Variants in MDM4 observed in about 807,000 individuals in gnomAD.
MDM4 encodes the protein protein Mdm4.
In MDM4, 2 loss-of-function variants were observed where a neutral mutation model predicts 60.2. The ratio of observed to expected loss-of-function variants is 0.03; its 90% CI spans 0.01 to 0.10. The LOEUF (loss-of-function observed/expected upper bound fraction) is 0.10, where lower values mean the gene tolerates loss of function less well. Among genes scored for constraint, MDM4 ranks in the 10% least tolerant of loss-of-function variants. The pLI is 1.00. For synonymous variants in MDM4, 202 were observed against 198.1 expected (o/e 1.02, Z -0.17); for missense variants, 447 against 577.5 (o/e 0.77, Z 2.32).
intron 7 of MDM4, among the ~76,000 whole-genome samples, chr1:204,540,284 C>CAA (rs36061566): frequency 7.8e-4 from 113 of 144,976 alleles, no homozygotes; most frequent in South Asian, 6.9e-3. Context: ...GACTCTGTCT[C>CAA]AAAAAAAAAA....
At chr1:204,524,681 G>A (rs188005168) in intron 1 of MDM4, among the ~76,000 whole-genome samples, 142 of 152,344 alleles carry the variant, frequency 9.3e-4, no homozygotes, top group Non-Finnish European at 1.5e-3. Flanking sequence ...GGAGGCTGAG[G>A]CAGGAGAATC....
intron 6 of MDM4, 39 bp downstream of exon 6, chr1:204,537,536 G>A (rs1661544834): frequency 6.9e-7 from 1 of 1,454,818 alleles, no homozygotes. Flanking sequence ...GTTGTACAGA[G>A]TGGCCCCTTC....
intron 3 of MDM4, 123 bp from the exon 4 acceptor site, chr1:204,530,561 T>C: frequency 7.7e-7 from 1 of 1,300,824 alleles, no homozygotes; most frequent in East Asian, 2.3e-5. Flanking sequence ...TACACAAACT[T>C]TGACAGTCTT....
intron 8 of MDM4, among the ~76,000 whole-genome samples, chr1:204,543,161 A>G (rs1424155567): frequency 6.6e-6 from 1 of 151,998 alleles, no homozygotes; most frequent in Non-Finnish European, 1.5e-5. Context: ...TTAACTAACA[A>G]CTCTACTTAG....
At chr1:204,533,201 C>T (rs1661046710) in intron 5 of MDM4, among the ~76,000 whole-genome samples, 1 of 152,220 alleles carries the variant, frequency 6.6e-6, no homozygotes, top group Non-Finnish European at 1.5e-5. Context: ...AGTCTGGAGT[C>T]TCCAAAATGG....
Position 204,553,202 on chromosome 1 carries a change from TTC to T in MDM4, c.*3522_*3523del, listed in dbSNP as rs1663348120. 5.3e-6 allele frequency: 1 copy of T among 187,670 alleles called. No individual in the cohort carries two copies. The highest frequency in any genetic ancestry group is 2.3e-5 in the African/African-American group (1 of 42,866). 11.6% of individuals were successfully genotyped at this position (187,670 alleles called of 1,614,324 possible). A position where few individuals can be genotyped will look rare whatever the true frequency, so the allele number is the denominator to read the frequency against. ...CTATTTTCTTGGTCTGTTTTTGATT[TTC>T]TTTTTTCCTTGCCACTGCGGTACAG... is the stretch of plus-strand genomic sequence containing the variant. On this transcript the variant is annotated 3_prime_UTR_variant, in exon 11 of 11. Coordinates refer to ENST00000367182, the MANE Select transcript of MDM4 (RefSeq NM_002393.5).
At chr1:204,523,503 C>G (rs12757249) in intron 1 of MDM4, among the ~76,000 whole-genome samples, 3 of 82,042 alleles carry the variant, frequency 3.7e-5, no homozygotes, top group African/African-American at 1.2e-4. Context: ...TTTTTTTTTG[C>G]GACAGGGTAT....
At position 204,525,601 on chromosome 1, in the gene MDM4, A is replaced by G. The variant is rs748131770; in HGVS notation, c.78+5A>G. ...TCTCCTGGACAAATCAATCAGGTAA[A>G]TCATTTTCGGTATTTCTAGTTTTTT... On this transcript the variant is annotated splice_donor_5th_base_variant and intron_variant, in intron 2 of 10. Transcript: ENST00000367182. 4 of 1,551,474 alleles carry G rather than the reference A, an allele frequency of 2.6e-6. No homozygotes were observed. The highest frequency in any genetic ancestry group is 3.9e-5 in the Admixed American group (2 of 51,598).
chr1:204,554,799 C>T lies in MDM4; in HGVS notation c.*5117C>T, dbSNP rs921755112. On this transcript the variant is annotated 3_prime_UTR_variant, in exon 11 of 11. Coordinates refer to ENST00000367182, the MANE Select transcript of MDM4 (RefSeq NM_002393.5). Reference sequence around the variant, plus strand: ...TTCTGCTTGCCATTGCTATATTCTCCCTTTATAGGAGCCATTGGATTTCTT... The same window carrying T: ...TTCTGCTTGCCATTGCTATATTCTCTCTTTATAGGAGCCATTGGATTTCTT... 2 of 226,074 alleles carry T rather than the reference C, an allele frequency of 8.8e-6. No individual in the cohort carries two copies. Among genetic ancestry groups the T allele is most frequent in the Admixed American group, 5.7e-5 (1 of 17,518 alleles). 14.0% of individuals were successfully genotyped at this position (226,074 alleles called of 1,614,324 possible). A position where few individuals can be genotyped will look rare whatever the true frequency, so the allele number is the denominator to read the frequency against.
Position 204,535,437 on chromosome 1 carries a change from G to A in MDM4, c.344-1993G>A, listed in dbSNP as rs138029133. 9.3e-3 allele frequency among the ~76,000 whole-genome samples: 1,411 copies of A among 152,210 alleles called. 23 individuals are homozygous for A. The highest frequency in any genetic ancestry group is 0.032 in the African/African-American group (1,324 of 41,516). ...CTCCTAAAGTACTGGGATTACAGGC[G>A]TGAGCCACTGCACCCAGCCTAAAAT... On this transcript the variant is annotated intron_variant, in intron 5 of 10. Transcript: ENST00000367182.
rs1035258882 is a variant in MDM4, at chr1:204,554,225, A to G, written c.*4543A>G. 1.3e-5 allele frequency: 3 copies of G among 226,282 alleles called. No homozygotes were observed. The highest frequency in any genetic ancestry group is 5.7e-5 in the Admixed American group (1 of 17,556). The allele number at this position is 226,282 out of a possible 1,614,324, so 14.0% of individuals were successfully genotyped here. On this transcript the variant is annotated 3_prime_UTR_variant, in exon 11 of 11. Coordinates refer to ENST00000367182, the MANE Select transcript of MDM4 (RefSeq NM_002393.5). Reference sequence around the variant, plus strand: ...TACCTCTTGACTCGCTTTTGAAAGGAAGACAATTGTTAACTAGATATTTGA... The same window carrying G: ...TACCTCTTGACTCGCTTTTGAAAGGGAGACAATTGTTAACTAGATATTTGA...
chr1:204,543,159 C>CA (rs1428678935), intron 8 of MDM4, among the ~76,000 whole-genome samples: 2 of 152,176 alleles, frequency 1.3e-5, no homozygotes, highest in Non-Finnish European at 2.9e-5. Context: ...ATTTAACTAA[C>CA]AACTCTACTT....
At chr1:204,539,746 A>G (rs1661838409) in intron 7 of MDM4, among the ~76,000 whole-genome samples, 2 of 151,566 alleles carry the variant, frequency 1.3e-5, no homozygotes, top group Non-Finnish European at 2.9e-5. Flanking sequence ...CATGTTGACC[A>G]GGATGGGTTG....
chr1:204,550,194 T>G lies in MDM4; in HGVS notation c.*512T>G. 1 of 232,588 alleles carries G rather than the reference T, an allele frequency of 4.3e-6. No individual in the cohort carries two copies. The highest frequency in any genetic ancestry group is 8.5e-6 in the Non-Finnish European group (1 of 118,060). 14.4% of individuals were successfully genotyped at this position (232,588 alleles called of 1,614,324 possible). A position where few individuals can be genotyped will look rare whatever the true frequency, so the allele number is the denominator to read the frequency against. ...AGGGGAGGTGTGGGGCGACAGGGTCTGTCTTGTTCTGTCTCCCAGGCTGAA... is the reference window on the plus strand; with the variant it reads ...AGGGGAGGTGTGGGGCGACAGGGTCGGTCTTGTTCTGTCTCCCAGGCTGAA... On this transcript the variant is annotated 3_prime_UTR_variant, in exon 11 of 11. Transcript: ENST00000367182.
At chr1:204,539,600 C>T (rs912068446) in intron 7 of MDM4, among the ~76,000 whole-genome samples, 9 of 145,032 alleles carry the variant, frequency 6.2e-5, no homozygotes, top group South Asian at 2.2e-4. Context: ...GTGGCACAGT[C>T]TCAGCTCACT....
In MDM4 at chr1:204,538,216, C is replaced by T; in HGVS notation, c.419C>T (p.Ala140Val). Residue 140 changes from alanine (A) to valine (V), a missense_variant, in exon 7 of 11, where the codon GCA becomes GTA. By Grantham distance (64) the Ala-to-Val change is moderately conservative. Transcript: ENST00000367182. ...ACCTTTCCCTTCTTTCAGCAAAGTG[C>T]AGAGGAAAGTTCCACTTCCAGAAAA... is the stretch of plus-strand genomic sequence containing the variant. Reference protein sequence around the residue: ...IPSQDQLKQSAEESSTSRKRT... With the variant: ...IPSQDQLKQSVEESSTSRKRT... The T allele has an allele frequency of 2.5e-6, 4 of 1,598,768 alleles. No homozygotes were observed. The highest frequency in any genetic ancestry group is 1.7e-4 in the Middle Eastern group (1 of 6,036).
At position 204,556,343 on chromosome 1, in the gene MDM4, G is replaced by C. The variant is rs761049475; in HGVS notation, c.*6661G>C. ...AATAAAGTAACAACTCGTAGTTGAGGCTTCCTTTCTGTGTGTGATGGGGGA... is the reference window on the plus strand; with the variant it reads ...AATAAAGTAACAACTCGTAGTTGAGCCTTCCTTTCTGTGTGTGATGGGGGA... On this transcript the variant is annotated 3_prime_UTR_variant, in exon 11 of 11. Coordinates refer to ENST00000367182, the MANE Select transcript of MDM4 (RefSeq NM_002393.5). The C allele has an allele frequency of 4.0e-5, 9 of 226,688 alleles. No individual in the cohort carries two copies. Among genetic ancestry groups the C allele is most frequent in the Non-Finnish European group, 6.1e-5 (7 of 113,940 alleles). The allele number at this position is 226,688 out of a possible 1,614,324, so 14.0% of individuals were successfully genotyped here.
intron 5 of MDM4, 89 bp from the exon 6 acceptor site, chr1:204,537,341 G>C (rs1661525216): frequency 4.3e-6 from 4 of 920,454 alleles, no homozygotes; most frequent in Non-Finnish European, 7.1e-6. Context: ...ACTAAACCTG[G>C]CTCCCGGGTT....
chr1:204,527,120 C>A (rs574543634), intron 3 of MDM4, among the ~76,000 whole-genome samples: 3 of 128,116 alleles, frequency 2.3e-5, no homozygotes, highest in Admixed American at 1.7e-4. Context: ...CATGATGAAA[C>A]CCTGTCTCTA....
Sources: allele counts gnomAD v4.1 joint callset (sites outside exome capture counted in the v4.1 genomes callset), GRCh38; gene constraint gnomAD v4.1.1; transcripts MANE v1.5; gene names NCBI Gene and HGNC (gene_info 2026-07-23, HGNC 2026-07-21).